Variants in CTIF observed in about 807,000 individuals in gnomAD.
CTIF encodes the protein cap binding complex dependent translation initiation factor, also known as CBP80/20-dependent translation initiation factor.
Under a neutral mutation model 66.0 loss-of-function variants are expected in CTIF, and 21 were observed. The ratio of observed to expected loss-of-function variants is 0.32; its 90% confidence interval spans 0.23 to 0.46. The LOEUF is 0.46. CTIF is among the 20% of genes least tolerant of loss of function. The probability of loss-of-function intolerance (pLI) is 1.00; values close to 1 mark genes in which losing one functional copy is unlikely to be tolerated. For synonymous variants in CTIF, 345 were observed against 326.4 expected (o/e 1.06, Z -0.62); for missense variants, 739 against 812.7 (o/e 0.91, Z 1.10).
At chr18:48,571,624 A>G (rs1157346899) in intron 1 of CTIF, among the ~76,000 whole-genome samples, 2 of 152,188 alleles carry the variant, frequency 1.3e-5, no homozygotes, top group Admixed American at 1.3e-4. Context: ...CCATGCCAGC[A>G]CATAGTGATC....
At position 48,669,790 on chromosome 18, in the gene CTIF, CATTTATATATATATATATAT is replaced by C. The variant is rs1248516196; in HGVS notation, c.432-876_432-857del. Among the ~76,000 whole-genome samples, 334 of 35,968 alleles carry C rather than the reference CATTTATATATATATATATAT, an allele frequency of 9.3e-3. 21 individuals carry two copies. Among genetic ancestry groups the C allele is most frequent in the Middle Eastern group, 0.048 (2 of 42 alleles). The allele number at this position is 35,968 out of a possible 152,430, so 23.6% of individuals were successfully genotyped here. The stretch of plus-strand genomic sequence containing the variant: ...CACATTTATAAACAAACAAGCTAAA[CATTTATATATATATATATAT>C]ATATATATATATATATATATATATA... On this transcript the variant is annotated intron_variant, in intron 5 of 11. Transcript: ENST00000256413.
chr18:48,652,161 C>T (rs2091166668), intron 3 of CTIF, among the ~76,000 whole-genome samples: 2 of 151,946 alleles, frequency 1.3e-5, no homozygotes, highest in South Asian at 4.2e-4. Flanking sequence ...GATAGAGACG[C>T]AAAAAACCCT....
Position 48,758,304 on chromosome 18 carries a change from A to G in CTIF, c.970A>G (p.Lys324Glu). Residue 324 changes from lysine to glutamate, a missense_variant, in exon 8 of 12, where the codon AAA becomes GAA. Lys to Glu is a moderately conservative substitution (Grantham distance 56). This residue lies in a region of CTIF where 529 missense variants were observed against 520.3 expected (regional missense o/e 1.02). Transcript: ENST00000256413. ...GTCAGGGGGGCCAGAGGTTGAGACA[A>G]AACGTAAAGACAGTATTCTTCCCGA... ...QQSGGPEVET[K>E]RKDSILPERI... 6.2e-7 allele frequency: 1 copy of G among 1,613,364 alleles called. No individual in the cohort carries two copies. The highest frequency in any genetic ancestry group is 8.5e-7 in the Non-Finnish European group (1 of 1,179,970).
At chr18:48,651,256 C>T (rs1335815687) in intron 3 of CTIF, among the ~76,000 whole-genome samples, 10 of 152,062 alleles carry the variant, frequency 6.6e-5, no homozygotes, top group East Asian at 1.9e-4. Context: ...ACCCATCTCA[C>T]GTGCAGAGAC....
rs560537145 is a variant in CTIF, at chr18:48,673,949, C to A, written c.507+3205C>A. On this transcript the variant is annotated intron_variant, in intron 6 of 11. Transcript: ENST00000256413. Reference sequence around the variant, plus strand: ...ATGCTTTGGCCCAGAAATATCAGCTCCACTCAGAGCCCATTGGACAGAACT... The same window carrying A: ...ATGCTTTGGCCCAGAAATATCAGCTACACTCAGAGCCCATTGGACAGAACT... 2.6e-5 allele frequency among the ~76,000 whole-genome samples: 4 copies of A among 152,328 alleles called. No homozygotes were observed. In the South Asian group the frequency reaches 8.3e-4, roughly 32 times the overall value.
chr18:48,777,219 G>A lies in CTIF; in HGVS notation c.1371+15530G>A, dbSNP rs554355030. 3.3e-4 allele frequency among the ~76,000 whole-genome samples: 51 copies of A among 152,324 alleles called. No individual in the cohort carries two copies. In the South Asian group the frequency reaches 0.01, roughly 30 times the overall value. On this transcript the variant is annotated intron_variant, in intron 9 of 11. Coordinates refer to ENST00000256413, the MANE Select transcript of CTIF (RefSeq NM_014772.3). ...GCCTGCTTGGCTTGTGTGTGCTGGC[G>A]GCAGCACCTGCTGGGTGGGCAGGGC...
intron 2 of CTIF, among the ~76,000 whole-genome samples, chr18:48,622,094 T>C (rs2090505315): frequency 1.3e-5 from 2 of 151,694 alleles, no homozygotes; most frequent in African/African-American, 4.9e-5. Flanking sequence ...GGGAATACAG[T>C]GGAGGAGAGA....
At chr18:48,793,192 A>G (rs933550524) in intron 9 of CTIF, among the ~76,000 whole-genome samples, 2 of 152,298 alleles carry the variant, frequency 1.3e-5, no homozygotes, top group Admixed American at 6.5e-5. Flanking sequence ...GGCTAGCACA[A>G]GGGAGGGCTC....
chr18:48,703,473 G>T (rs1396547604), intron 6 of CTIF, among the ~76,000 whole-genome samples: 1 of 152,234 alleles, frequency 6.6e-6, no homozygotes, highest in Non-Finnish European at 1.5e-5. Flanking sequence ...TTTTAACAAA[G>T]CAGGAGGAAG....
At chr18:48,571,847 A>G (rs966695244) in intron 1 of CTIF, among the ~76,000 whole-genome samples, 2 of 152,168 alleles carry the variant, frequency 1.3e-5, no homozygotes, top group Non-Finnish European at 2.9e-5. Context: ...TGAGAGAGAG[A>G]GAGAAAGAGA....
chr18:48,774,316 C>G (rs1009729710), intron 9 of CTIF, among the ~76,000 whole-genome samples: 1 of 152,174 alleles, frequency 6.6e-6, no homozygotes, highest in African/African-American at 2.4e-5. Context: ...CATGCTGGCT[C>G]AGCATGGCTC....
At chr18:48,657,746 G>T (rs2091267934) in intron 3 of CTIF, among the ~76,000 whole-genome samples, 1 of 152,192 alleles carries the variant, frequency 6.6e-6, no homozygotes, top group African/African-American at 2.4e-5. Context: ...GGGAGTGGGA[G>T]GGTGTGGAGA....
intron 9 of CTIF, among the ~76,000 whole-genome samples, chr18:48,790,998 G>A (rs1166680292): frequency 6.6e-6 from 1 of 152,156 alleles, no homozygotes; most frequent in African/African-American, 2.4e-5. Flanking sequence ...ATCTTCTCAG[G>A]AGAGTCCTGG....
chr18:48,730,336 CGGTGTGAGGG>C (rs2092432480), intron 7 of CTIF, among the ~76,000 whole-genome samples: 1 of 87,228 alleles, frequency 1.1e-5, no homozygotes, highest in Non-Finnish European at 2.4e-5. Flanking sequence ...GGGGCCCCTG[CGGTGTGAGGG>C]GCTCCTGCTG....
chr18:48,714,812 A>G (rs1009423506), intron 7 of CTIF, among the ~76,000 whole-genome samples: 5 of 152,194 alleles, frequency 3.3e-5, no homozygotes, highest in African/African-American at 1.2e-4. Context: ...TGCCAATTAC[A>G]TCACTTTTGA....
At chr18:48,778,357 G>A (rs1243843297) in intron 9 of CTIF, among the ~76,000 whole-genome samples, 1 of 152,242 alleles carries the variant, frequency 6.6e-6, no homozygotes, top group Non-Finnish European at 1.5e-5. Context: ...CTGCAGGAGT[G>A]CAGGGGAGGA....
intron 1 of CTIF, among the ~76,000 whole-genome samples, chr18:48,568,811 A>T (rs1385250817): frequency 2.6e-5 from 4 of 152,056 alleles, no homozygotes; most frequent in African/African-American, 9.7e-5. Flanking sequence ...AAACCATCAG[A>T]TCTCGTGAGA....
At chr18:48,715,928 G>T (rs146788641) in intron 7 of CTIF, among the ~76,000 whole-genome samples, 99 of 152,324 alleles carry the variant, frequency 6.5e-4, no homozygotes, top group South Asian at 2.3e-3. Context: ...TGGGGTAAAG[G>T]GGCAGGCCTT....
intron 10 of CTIF, among the ~76,000 whole-genome samples, chr18:48,851,353 G>A (rs925131323): frequency 1.3e-5 from 2 of 152,232 alleles, no homozygotes; most frequent in Non-Finnish European, 2.9e-5. Flanking sequence ...TGGAAGGCAC[G>A]CAGGCTGTGG....
Sources: gnomAD v4.1 joint callset for allele counts (sites outside exome capture counted in the v4.1 genomes callset) on GRCh38, gnomAD v4.1.1 for gene constraint, gnomAD v4.1.1 regional missense constraint, MANE v1.5 for transcripts, NCBI Gene and HGNC (gene_info 2026-07-23, HGNC 2026-07-21) for gene names.